CCDC66: variants seen among roughly 807,000 people sequenced by gnomAD.
The protein encoded by CCDC66 is coiled-coil domain containing 66, also known as coiled-coil domain-containing protein 66.
CCDC66 carries 133 observed loss-of-function variants against 128.3 expected under a neutral mutation model. The observed-to-expected ratio is 1.04, with a 90% confidence interval of 0.90 to 1.20. The LOEUF is 1.20. Ranked by LOEUF, CCDC66 falls within the 50% of genes most tolerant of loss-of-function variation. The pLI, the probability that CCDC66 is intolerant of heterozygous loss-of-function variation, is 0.00. For missense variants in CCDC66, 1,126 were observed against 1,075.5 expected (o/e 1.05, Z -0.66); for synonymous variants, 387 against 357.0 (o/e 1.08, Z -0.95).
At chr3:56,567,113 C>T (rs956805492) in intron 6 of CCDC66, 60 bp downstream of exon 6, 65 of 1,332,186 alleles carry the variant, frequency 4.9e-5, no homozygotes, top group Middle Eastern at 1.8e-4. Flanking sequence ...GTATTGAAGC[C>T]GGGCACGGTG....
chr3:56,562,790 C>A (rs1398817066), intron 3 of CCDC66, among the ~76,000 whole-genome samples: 1 of 151,530 alleles, frequency 6.6e-6, no homozygotes, highest in Non-Finnish European at 1.5e-5. Context: ...AGGAGCCCAC[C>A]ACCACGCCCA....
intron 7 of CCDC66, among the ~76,000 whole-genome samples, chr3:56,578,102 T>C (rs568261017): frequency 6.6e-6 from 1 of 151,890 alleles, no homozygotes; most frequent in South Asian, 2.1e-4. Context: ...CCTTGAGCAG[T>C]GATTTGTAGT....
intron 7 of CCDC66, among the ~76,000 whole-genome samples, chr3:56,582,630 C>T (rs895038777): frequency 6.6e-6 from 1 of 151,578 alleles, no homozygotes; most frequent in Non-Finnish European, 1.5e-5. Context: ...GGTTTTATCT[C>T]CTGCAACTTT....
chr3:56,619,791 C>A lies in CCDC66; in HGVS notation c.2650C>A (p.Arg884=). 6.2e-7 allele frequency: 1 copy of A among 1,613,834 alleles called. No homozygotes were observed. The highest frequency in any genetic ancestry group is 8.5e-7 in the Non-Finnish European group (1 of 1,179,930). The change falls in exon 17 of 18, where the codon CGA becomes AGA. Residue 884 remains arginine, a synonymous_variant. Coordinates refer to ENST00000394672, the MANE Select transcript of CCDC66 (RefSeq NM_001141947.3). Reference sequence around the variant, plus strand: ...TCTGGCTTTAGACTGTGGCCAAAAACGACAGCTATTTGATTCTGACTGTGT... The same window carrying A: ...TCTGGCTTTAGACTGTGGCCAAAAAAGACAGCTATTTGATTCTGACTGTGT... ...YQNSQDCGQK[R]QLFDSDCVRD...
chr3:56,581,430 C>T (rs2068351286), intron 7 of CCDC66, among the ~76,000 whole-genome samples: 1 of 151,870 alleles, frequency 6.6e-6, no homozygotes, highest in Admixed American at 6.6e-5. Context: ...AAGTCATTCT[C>T]TGTCCAGCTT....
chr3:56,564,591 A>C (rs563249696), intron 4 of CCDC66, among the ~76,000 whole-genome samples: 10 of 152,288 alleles, frequency 6.6e-5, no homozygotes, highest in African/African-American at 2.4e-4. Flanking sequence ...AAGAAATGGC[A>C]GTACTTTTTT....
At position 56,566,987 on chromosome 3, in the gene CCDC66, C is replaced by G. The variant is rs372952493; in HGVS notation, c.748C>G (p.Leu250Val). The change falls in exon 6 of 18, where the codon CTG becomes GTG. Residue 250 changes from leucine to valine, a missense_variant. Physicochemically the swap from Leu to Val is conservative, Grantham distance 32. Transcript: ENST00000394672. ...GAAACCAGCTGATATATTCAGTACT[C>G]TGGGGGAAAGGGAATGTGATAGAAG... ...EWKPADIFSTLGERECDRSSL... is the reference protein window; with the variant it reads ...EWKPADIFSTVGERECDRSSL... 23 of 1,613,904 alleles carry G rather than the reference C, an allele frequency of 1.4e-5. No homozygotes were observed. The highest frequency in any genetic ancestry group is 1.6e-4 in the Middle Eastern group (1 of 6,084).
chr3:56,621,649 TTG>T lies in CCDC66; in HGVS notation c.*35_*36del, dbSNP rs761624132. 1.4e-6 allele frequency: 2 copies of T among 1,450,768 alleles called. No individual in the cohort carries two copies. The highest frequency in any genetic ancestry group is 1.9e-6 in the Non-Finnish European group (2 of 1,047,318). The allele number at this position is 1,450,768 out of a possible 1,614,324, so 89.9% of individuals were successfully genotyped here. On this transcript the variant is annotated 3_prime_UTR_variant, in exon 18 of 18. Transcript: ENST00000394672. ...GAAAATCAAATCCTTCACATTTGAT[TTG>T]TGTCTTCCAAATTATAAAATGTGCT...
intron 12 of CCDC66, chr3:56,615,479 C>T: frequency 2.0e-6 from 1 of 488,834 alleles, no homozygotes; most frequent in Non-Finnish European, 3.5e-6. Context: ...CTTCAGATGA[C>T]TCTCCCACCT....
chr3:56,602,196 T>G (rs1443643103), intron 10 of CCDC66, among the ~76,000 whole-genome samples: 1 of 152,066 alleles, frequency 6.6e-6, no homozygotes, highest in African/African-American at 2.4e-5. Context: ...TGAATTTTGT[T>G]GAAGGCTTTT....
At chr3:56,575,685 T>G (rs2067259597) in intron 7 of CCDC66, among the ~76,000 whole-genome samples, 1 of 151,884 alleles carries the variant, frequency 6.6e-6, no homozygotes, top group African/African-American at 2.4e-5. Context: ...GGACTGTATT[T>G]TCTTCTAAGA....
chr3:56,621,429 C>A, intron 17 of CCDC66, 103 bp from the exon 18 acceptor site: 1 of 798,670 alleles, frequency 1.3e-6, no homozygotes, highest in African/African-American at 1.7e-5. Flanking sequence ...AAAATTTTAT[C>A]CTAAGCGATA....
chr3:56,595,776 A>G (rs2106990900), intron 10 of CCDC66, among the ~76,000 whole-genome samples: 1 of 152,242 alleles, frequency 6.6e-6, no homozygotes, highest in Non-Finnish European at 1.5e-5. Flanking sequence ...TGGTAGTTCC[A>G]TTTTTAGTTT....
At chr3:56,594,238 A>G (rs1421381771) in intron 10 of CCDC66, among the ~76,000 whole-genome samples, 1 of 152,004 alleles carries the variant, frequency 6.6e-6, no homozygotes, top group South Asian at 2.1e-4. Flanking sequence ...CCAGTACAGA[A>G]GGTCTTTAAT....
At chr3:56,563,661 A>G (rs892715240) in intron 3 of CCDC66, 23 bp from the exon 4 acceptor site, 8 of 1,515,870 alleles carry the variant, frequency 5.3e-6, no homozygotes, top group African/African-American at 1.4e-5. Context: ...GTTATAAAGA[A>G]TAAGCTTCTG....
intron 13 of CCDC66, 96 bp from the exon 14 acceptor site, chr3:56,617,016 T>C: frequency 9.9e-7 from 1 of 1,006,174 alleles, no homozygotes; most frequent in Admixed American, 3.2e-5. Context: ...GAAAAAAGTC[T>C]TAGAGGGCAA....
rs1443260987 is a variant in CCDC66 at position 56,581,833 on chromosome 3, G to A, written c.936+10531G>A. On this transcript the variant is annotated intron_variant, in intron 7 of 17. Transcript: ENST00000394672. The stretch of plus-strand genomic sequence containing the variant: ...GGTGACAGTCGGCCCCTACTGGGAG[G>A]TGTCTCCCAGTTAGGCTACTCGGTG... Among the ~76,000 whole-genome samples, 4 of 151,846 alleles carry A rather than the reference G, an allele frequency of 2.6e-5. No homozygotes were observed. The East Asian group carries it at 5.9e-4, about 22-fold the overall frequency.
chr3:56,594,771 A>G (rs1208343038), intron 10 of CCDC66, among the ~76,000 whole-genome samples: 2 of 152,220 alleles, frequency 1.3e-5, no homozygotes, highest in Non-Finnish European at 2.9e-5. Context: ...GCCTAATGCT[A>G]AAGGGACTTT....
chr3:56,615,690 TTAAAA>T (rs963230483), intron 12 of CCDC66, among the ~76,000 whole-genome samples: 1 of 152,232 alleles, frequency 6.6e-6, no homozygotes, highest in African/African-American at 2.4e-5. Context: ...TGTGTTAATG[TTAAAA>T]TAATAGGTAA....
Sources: allele counts gnomAD v4.1 joint callset (sites outside exome capture counted in the v4.1 genomes callset), GRCh38; gene constraint gnomAD v4.1.1; transcripts MANE v1.5; gene names NCBI Gene and HGNC (gene_info 2026-07-23, HGNC 2026-07-21).